Variants in FAM20C observed in about 807,000 individuals in gnomAD.
FAM20C encodes extracellular serine/threonine protein kinase FAM20C.
FAM20C carries 40 observed loss-of-function variants against 51.5 expected under a neutral mutation model. The ratio of observed to expected loss-of-function variants is 0.78; its 90% CI spans 0.60 to 1.01. The LOEUF (loss-of-function observed/expected upper bound fraction) is 1.01, where lower values mean the gene tolerates loss of function less well. Ranked by LOEUF, FAM20C falls within the 50% of genes least tolerant of loss-of-function variation. The probability of loss-of-function intolerance (pLI) is 0.00; values close to 1 mark genes in which losing one functional copy is unlikely to be tolerated. For missense variants in FAM20C, 861 were observed against 844.7 expected (o/e 1.02, Z -0.24); for synonymous variants, 406 against 380.6 (o/e 1.07, Z -0.78).
chr7:253,210 C>T (rs909665210), intron 5 of FAM20C, among the ~76,000 whole-genome samples: 12 of 152,214 alleles, frequency 7.9e-5, no homozygotes, highest in Admixed American at 5.9e-4. Context: ...CAGTGTCCGC[C>T]GGGCCCGCAG....
intron 3 of FAM20C, among the ~76,000 whole-genome samples, chr7:213,988 G>A (rs1786845872): frequency 6.6e-6 from 1 of 152,174 alleles, no homozygotes; most frequent in Non-Finnish European, 1.5e-5. Context: ...CAGAGCTTTT[G>A]CCATTTTGTT....
chr7:256,199 A>G, intron 6 of FAM20C, 170 bp downstream of exon 6: 1 of 859,206 alleles, frequency 1.2e-6, no homozygotes. Context: ...ACGGTGGCAG[A>G]GGGCGTCCTT....
At position 215,230 on chromosome 7, in the gene FAM20C, G is replaced by GT. The variant is rs986908511; in HGVS notation, c.863+6254_863+6255insT. The stretch of plus-strand genomic sequence containing the variant: ...CCACAGAGTTTAGAGGCTCCAGCTG[G>GT]GGGGGGGAGCAGGGCCCCTGGTGTA... On this transcript the variant is annotated intron_variant, in intron 3 of 9. Transcript: ENST00000313766. Among the ~76,000 whole-genome samples the GT allele has an allele frequency of 5.0e-4, 24 of 48,112 alleles. 1 individual carries two copies. The highest frequency in any genetic ancestry group is 8.7e-4 in the South Asian group (1 of 1,152). 31.6% of individuals were successfully genotyped at this position (48,112 alleles called of 152,430 possible).
At position 193,374 on chromosome 7, in the gene FAM20C, G is replaced by A; in HGVS notation, c.175G>A (p.Gly59Ser). ...GCCCGCCGCCGAGGTGGCCGCGCCC[G>A]GCTGGGCCCAGGTTCGGGGCCGCCC... is the stretch of plus-strand genomic sequence containing the variant. ...AQPAAEVAAPGWAQVRGRPGE... is the reference protein window; with the variant it reads ...AQPAAEVAAPSWAQVRGRPGE... The change falls in exon 1 of 10, where the codon GGC (glycine) becomes AGC (serine). Residue 59 changes from glycine to serine, a missense_variant. By Grantham distance (56) the Gly-to-Ser change is moderately conservative. This residue lies in a region of FAM20C where 561 missense variants were observed against 499.8 expected (regional missense o/e 1.12). Coordinates refer to ENST00000313766, the MANE Select transcript of FAM20C (RefSeq NM_020223.4). 2.3e-6 allele frequency: 3 copies of A among 1,283,772 alleles called. No homozygotes were observed. Among genetic ancestry groups the A allele is most frequent in the Non-Finnish European group, 2.0e-6 (2 of 1,015,008 alleles). The allele number at this position is 1,283,772 out of a possible 1,614,324, so 79.5% of individuals were successfully genotyped here.
chr7:253,079 G>A lies in FAM20C; in HGVS notation c.1073-2770G>A, dbSNP rs142284518. Among the ~76,000 whole-genome samples, 581 of 152,326 alleles carry A rather than the reference G, an allele frequency of 3.8e-3. 2 individuals are homozygous for A. Among genetic ancestry groups the A allele is most frequent in the African/African-American group, 0.013 (561 of 41,590 alleles). On this transcript the variant is annotated intron_variant, in intron 5 of 9. Transcript: ENST00000313766. ...CTTTTTTCCTGCCACGGTGGCCTGGGCTGGGCAGGGCGGTCCTCAGGACTC... is the reference window on the plus strand; with the variant it reads ...CTTTTTTCCTGCCACGGTGGCCTGGACTGGGCAGGGCGGTCCTCAGGACTC...
intron 3 of FAM20C, among the ~76,000 whole-genome samples, chr7:226,953 G>A (rs931471493): frequency 3.9e-5 from 6 of 152,172 alleles, no homozygotes; most frequent in Admixed American, 3.9e-4. Context: ...TGGGGAAGCT[G>A]AGGCCCGTCC....
intron 3 of FAM20C, among the ~76,000 whole-genome samples, chr7:244,667 T>C (rs1583328234): frequency 6.6e-6 from 1 of 152,192 alleles, no homozygotes; most frequent in Non-Finnish European, 1.5e-5. Context: ...GAGATAGCAA[T>C]GGCCACAGAC....
At chr7:217,413 T>C (rs1787045248) in intron 3 of FAM20C, among the ~76,000 whole-genome samples, 1 of 152,242 alleles carries the variant, frequency 6.6e-6, no homozygotes, top group African/African-American at 2.4e-5. Context: ...GTGCCCCCCT[T>C]TAGGGTAGAG....
At chr7:210,831 A>G (rs1324491337) in intron 3 of FAM20C, among the ~76,000 whole-genome samples, 1 of 151,898 alleles carries the variant, frequency 6.6e-6, no homozygotes, top group Non-Finnish European at 1.5e-5. Context: ...GTGGTTGGAG[A>G]ACGGTGACAT....
chr7:217,244 G>A (rs921017480), intron 3 of FAM20C, among the ~76,000 whole-genome samples: 3 of 152,126 alleles, frequency 2.0e-5, no homozygotes, highest in Non-Finnish European at 4.4e-5. Context: ...TTGCAGCTGC[G>A]TGGGGCCTTC....
chr7:249,978 T>G (rs1220079852), intron 5 of FAM20C, among the ~76,000 whole-genome samples: 1 of 152,112 alleles, frequency 6.6e-6, no homozygotes, highest in Admixed American at 6.5e-5. Context: ...GAAGGGACCC[T>G]CACCCCAGGA....
Position 256,648 on chromosome 7 carries a change from C to T in FAM20C, c.1254-6C>T. 1 of 1,535,384 alleles carries T rather than the reference C, an allele frequency of 6.5e-7. No individual in the cohort carries two copies. The highest frequency in any genetic ancestry group is 1.4e-5 in the African/African-American group (1 of 73,174). On this transcript the variant is annotated splice_polypyrimidine_tract_variant and splice_region_variant and intron_variant, in intron 6 of 9. Coordinates refer to ENST00000313766, the MANE Select transcript of FAM20C (RefSeq NM_020223.4). ...GGGCCCCCCGTCTCACGCTGGCTCC[C>T]CGCAGGTGGGAGGTGGACCCTGACT...
At chr7:195,355 G>A (rs976795946) in intron 1 of FAM20C, 199 bp from the exon 2 acceptor site, 4 of 453,624 alleles carry the variant, frequency 8.8e-6, no homozygotes, top group Non-Finnish European at 1.5e-5. Context: ...GCCTTTCACC[G>A]TGTTATTAGT....
intron 3 of FAM20C, among the ~76,000 whole-genome samples, chr7:232,456 G>A (rs950715010): frequency 2.0e-5 from 3 of 152,222 alleles, no homozygotes; most frequent in African/African-American, 7.2e-5. Flanking sequence ...GGCCATCTCC[G>A]TGACTGTAGA....
chr7:256,984 A>G, intron 7 of FAM20C, 21 bp from the exon 8 acceptor site: 1 of 1,536,850 alleles, frequency 6.5e-7, no homozygotes, highest in South Asian at 1.2e-5. Context: ...GAGCTGTGAC[A>G]CTTTCTGCCT....
intron 5 of FAM20C, among the ~76,000 whole-genome samples, chr7:255,434 T>C (rs1188521117): frequency 6.6e-6 from 1 of 152,222 alleles, no homozygotes; most frequent in Non-Finnish European, 1.5e-5. Context: ...TGTCTTTTTG[T>C]GATTGAGTGA....
intron 3 of FAM20C, among the ~76,000 whole-genome samples, chr7:237,319 A>T (rs1468628273): frequency 1.3e-5 from 2 of 152,246 alleles, no homozygotes; most frequent in Non-Finnish European, 2.9e-5. Context: ...AGAGAGGGAC[A>T]AAGGCCGAAT....
chr7:258,978 G>A lies in FAM20C; in HGVS notation c.1505+273G>A, dbSNP rs555914955. 1.9e-4 allele frequency among the ~76,000 whole-genome samples: 29 copies of A among 152,340 alleles called. 1 individual carries two copies. The highest frequency in any genetic ancestry group is 1.0e-3 in the South Asian group (5 of 4,828). On this transcript the variant is annotated intron_variant, in intron 9 of 9. Transcript: ENST00000313766. ...GCCACCCCAGTTACAGAGAGAGCTC[G>A]AGGCCAGGGCAGACGCCAGCTGAGA...
At position 211,418 on chromosome 7, in the gene FAM20C, C is replaced by A. The variant is rs1786706710; in HGVS notation, c.863+2442C>A. Among the ~76,000 whole-genome samples the A allele has an allele frequency of 2.0e-5, 3 of 151,074 alleles. No individual in the cohort carries two copies. In the South Asian group the frequency reaches 6.3e-4, roughly 32 times the overall value. ...TTCCACCTCACCTCCTCCACCTCTT[C>A]CTCCCCAGGCCTCCCCAAACCTCCC... is the stretch of plus-strand genomic sequence containing the variant. On this transcript the variant is annotated intron_variant, in intron 3 of 9. Coordinates refer to ENST00000313766, the MANE Select transcript of FAM20C (RefSeq NM_020223.4).
Sources: allele counts gnomAD v4.1 joint callset (sites outside exome capture counted in the v4.1 genomes callset), GRCh38; gene constraint gnomAD v4.1.1; regional missense constraint gnomAD v4.1.1; transcripts MANE v1.5; gene names NCBI Gene and HGNC (gene_info 2026-07-23, HGNC 2026-07-21).